Variants in RIMS2 observed in about 807,000 individuals in gnomAD.
RIMS2 encodes the protein regulating synaptic membrane exocytosis 2.
In RIMS2, 59 loss-of-function variants were observed where a neutral mutation model predicts 174.4. The ratio of observed to expected loss-of-function variants is 0.34; its 90% CI spans 0.27 to 0.42. RIMS2 has a LOEUF of 0.42. Ranked by LOEUF, RIMS2 falls within the 10% of genes least tolerant of loss-of-function variation. RIMS2 has a pLI of 1.00. For missense variants in RIMS2, 1,620 were observed against 1,666.3 expected (o/e 0.97, Z 0.48); for synonymous variants, 606 against 572.5 (o/e 1.06, Z -0.84).
intron 1 of RIMS2, among the ~76,000 whole-genome samples, chr8:103,581,929 A>C (rs2093642319): frequency 6.6e-6 from 1 of 152,228 alleles, no homozygotes. Flanking sequence ...GGTGGCATGC[A>C]ACATACTGAG....
intron 19 of RIMS2, among the ~76,000 whole-genome samples, chr8:104,184,556 T>C (rs1280104131): frequency 2.6e-5 from 4 of 151,596 alleles, no homozygotes; most frequent in Non-Finnish European, 5.9e-5. Flanking sequence ...TCCTTTCTGA[T>C]AGTATCAAGG....
intron 17 of RIMS2, 110 bp from the exon 20 acceptor site, chr8:104,013,332 A>C (rs2095815434): frequency 1.2e-6 from 1 of 838,344 alleles, no homozygotes; most frequent in African/African-American, 1.7e-5. Context: ...ATTTTTACAT[A>C]CTCCATAATT....
intron 1 of RIMS2, among the ~76,000 whole-genome samples, chr8:103,592,911 A>G (rs980255012): frequency 3.3e-5 from 5 of 151,370 alleles, no homozygotes. Context: ...TACTAATAGA[A>G]CACTTCTACA....
Position 104,043,635 on chromosome 8 carries a change from C to T in RIMS2, c.3334+29020C>T, listed in dbSNP as rs147403402. Among the ~76,000 whole-genome samples the T allele has an allele frequency of 5.8e-4, 88 of 151,500 alleles. 1 individual carries two copies. The highest frequency in any genetic ancestry group is 1.7e-3 in the African/African-American group (71 of 41,430). On this transcript the variant is annotated intron_variant, in intron 19 of 23. Transcript: ENST00000504942. Reference sequence around the variant, plus strand: ...TCAATGATAGAACTGAAATTTGTAGCGATATCTAAGGCAATAGAAGCAAAC... The same window carrying T: ...TCAATGATAGAACTGAAATTTGTAGTGATATCTAAGGCAATAGAAGCAAAC...
At chr8:103,892,142 CA>C (rs1434906249) in intron 4 of RIMS2, among the ~76,000 whole-genome samples, 2 of 151,664 alleles carry the variant, frequency 1.3e-5, no homozygotes, top group African/African-American at 4.8e-5. Context: ...CAATTGGACT[CA>C]AAAATTTTTA....
intron 1 of RIMS2, among the ~76,000 whole-genome samples, chr8:103,661,133 A>G (rs2096594962): frequency 6.6e-6 from 1 of 152,164 alleles, no homozygotes; most frequent in South Asian, 2.1e-4. Context: ...CATACAATGT[A>G]TTCTATTGGT....
chr8:103,532,471 G>A (rs891929661), intron 1 of RIMS2, among the ~76,000 whole-genome samples: 2 of 152,190 alleles, frequency 1.3e-5, no homozygotes, highest in Admixed American at 6.5e-5. Context: ...GTGCATATCT[G>A]ATCCATTCTG....
At chr8:103,833,623 CTT>C (rs2098839531) in intron 3 of RIMS2, among the ~76,000 whole-genome samples, 1 of 151,958 alleles carries the variant, frequency 6.6e-6, no homozygotes, top group African/African-American at 2.4e-5. Flanking sequence ...TTCAGAATCT[CTT>C]ATCAGAGGTA....
intron 19 of RIMS2, among the ~76,000 whole-genome samples, chr8:104,066,336 C>G (rs1217748368): frequency 6.6e-6 from 1 of 152,062 alleles, no homozygotes; most frequent in Non-Finnish European, 1.5e-5. Flanking sequence ...CTAAATATTG[C>G]AAAATGTATA....
At chr8:103,847,549 A>C (rs1318970944) in intron 3 of RIMS2, among the ~76,000 whole-genome samples, 3 of 152,074 alleles carry the variant, frequency 2.0e-5, no homozygotes, top group African/African-American at 7.2e-5. Flanking sequence ...CATGTAGGTA[A>C]AGCAGGCAGT....
intron 13 of RIMS2, among the ~76,000 whole-genome samples, chr8:103,938,541 A>C (rs570152914): frequency 6.6e-5 from 10 of 152,298 alleles, no homozygotes; most frequent in Admixed American, 6.5e-4. Context: ...GGGTGGGGAC[A>C]CAGCCAAACC....
chr8:103,640,401 T>C (rs2096203128), intron 1 of RIMS2, among the ~76,000 whole-genome samples: 1 of 151,972 alleles, frequency 6.6e-6, no homozygotes, highest in South Asian at 2.1e-4. Context: ...TAACTTTTAT[T>C]ATTTATTTTT....
chr8:103,502,790 T>C (rs978903678), intron 1 of RIMS2, among the ~76,000 whole-genome samples: 2 of 152,094 alleles, frequency 1.3e-5, no homozygotes, highest in Non-Finnish European at 2.9e-5. Flanking sequence ...TTGACTTACC[T>C]ATTTAAATGT....
At chr8:103,540,217 A>T (rs951487388) in intron 1 of RIMS2, among the ~76,000 whole-genome samples, 5 of 152,236 alleles carry the variant, frequency 3.3e-5, no homozygotes, top group African/African-American at 9.6e-5. Context: ...TGCCACCACC[A>T]ACATGAGTGG....
intron 19 of RIMS2, among the ~76,000 whole-genome samples, chr8:104,077,419 G>A (rs1251915289): frequency 6.6e-6 from 1 of 151,462 alleles, no homozygotes; most frequent in Non-Finnish European, 1.5e-5. Context: ...GGGAGAAAAG[G>A]ATGAAAAATT....
At chr8:104,236,328 T>C (rs2099258445) in intron 19 of RIMS2, among the ~76,000 whole-genome samples, 1 of 152,074 alleles carries the variant, frequency 6.6e-6, no homozygotes, top group African/African-American at 2.4e-5. Flanking sequence ...GAGTAATACT[T>C]TGGTACCACA....
intron 6 of RIMS2, among the ~76,000 whole-genome samples, chr8:103,912,699 G>A (rs2075911445): frequency 6.6e-6 from 1 of 151,838 alleles, no homozygotes; most frequent in African/African-American, 2.4e-5. Context: ...AATTATGCTG[G>A]GAGATTAAAT....
At chr8:104,127,472 A>T (rs1222420013) in intron 19 of RIMS2, among the ~76,000 whole-genome samples, 1 of 152,164 alleles carries the variant, frequency 6.6e-6, no homozygotes, top group Non-Finnish European at 1.5e-5. Context: ...CAATGAATGA[A>T]TAGCATGTGT....
intron 13 of RIMS2, 58 bp from the exon 16 acceptor site, chr8:103,942,715 A>T (rs1014521854): frequency 8.2e-7 from 1 of 1,220,912 alleles, no homozygotes; most frequent in Non-Finnish European, 1.2e-6. Context: ...AGGACCATTT[A>T]ACATAATTTC....
Sources: allele counts gnomAD v4.1 joint callset (sites outside exome capture counted in the v4.1 genomes callset), GRCh38; gene constraint gnomAD v4.1.1; transcripts MANE v1.5; gene names NCBI Gene and HGNC (gene_info 2026-07-23, HGNC 2026-07-21).